AKAP12: variants seen among roughly 807,000 people sequenced by gnomAD.
AKAP12 encodes the protein A-kinase anchor protein 12.
Under a neutral mutation model 79.9 loss-of-function variants are expected in AKAP12, and 32 were observed. That is an observed-to-expected ratio of 0.40 (90% CI 0.30 to 0.54). AKAP12 has a LOEUF of 0.54. AKAP12 is among the 20% of genes least tolerant of loss of function. The pLI is 0.48. For synonymous variants in AKAP12, 808 were observed against 857.0 expected, an observed-to-expected ratio of 0.94 and a Z score of 1.00; for missense variants, 2,074 against 2,177.0, an observed-to-expected ratio of 0.95 and a Z score of 0.94.
At chr6:151,287,258 T>C (rs1298090967) in intron 2 of AKAP12, among the ~76,000 whole-genome samples, 3 of 151,872 alleles carry the variant, frequency 2.0e-5, no homozygotes, top group African/African-American at 7.3e-5. Flanking sequence ...TTTTTTATTT[T>C]GATTTCATTT....
At chr6:151,273,000 C>T (rs576998940) in intron 2 of AKAP12, among the ~76,000 whole-genome samples, 34 of 152,276 alleles carry the variant, frequency 2.2e-4, no homozygotes, top group African/African-American at 7.5e-4. Flanking sequence ...CTCCGCTTCC[C>T]GGGTTCACAC....
At chr6:151,250,806 C>T (rs1797160003) in intron 2 of AKAP12, among the ~76,000 whole-genome samples, 1 of 151,884 alleles carries the variant, frequency 6.6e-6, no homozygotes, top group African/African-American at 2.4e-5. Context: ...GGGGGTTTCA[C>T]CGTGTTAGCC....
intron 2 of AKAP12, among the ~76,000 whole-genome samples, chr6:151,243,725 A>G (rs997731141): frequency 1.5e-4 from 23 of 152,140 alleles, no homozygotes; most frequent in Non-Finnish European, 3.2e-4. Flanking sequence ...TTGGTCTGTT[A>G]TCTGCCAGGG....
chr6:151,296,241 C>T (rs1180250953), intron 2 of AKAP12, among the ~76,000 whole-genome samples: 2 of 152,162 alleles, frequency 1.3e-5, no homozygotes, highest in East Asian at 1.9e-4. Flanking sequence ...ATCATGCCCA[C>T]CCCGGGATGC....
In AKAP12 at chr6:151,351,457, G is replaced by T. The variant is rs1778288030; in HGVS notation, c.3066G>T (p.Val1022=). The change falls in exon 4 of 5, where the codon GTG becomes GTT. Residue 1022 remains valine, a synonymous_variant. Coordinates refer to ENST00000402676, the MANE Select transcript of AKAP12 (RefSeq NM_005100.4). This position sits in a 1 kb window ranked among gnomAD's most constrained non-coding sequence, Gnocchi z 4.4. ...ACACCACAGAGGAGGCCACTCCGGT[G>T]CAGGAGGTGGAAGGTGGCGTACCTG... ...SPDTTEEATP[V]QEVEGGVPDI... 6.2e-7 allele frequency: 1 copy of T among 1,614,104 alleles called. No individual in the cohort carries two copies. The highest frequency in any genetic ancestry group is 8.5e-7 in the Non-Finnish European group (1 of 1,180,050).
intron 2 of AKAP12, among the ~76,000 whole-genome samples, chr6:151,292,878 T>C (rs1004620596): frequency 6.6e-6 from 1 of 152,232 alleles, no homozygotes; most frequent in African/African-American, 2.4e-5. Context: ...TCTCTGCCTT[T>C]GCCCCCATAA....
chr6:151,285,384 C>CTGTGTGTGTGTGTGTGTGTGTGTG (rs10680283), intron 2 of AKAP12, among the ~76,000 whole-genome samples: 10 of 136,460 alleles, frequency 7.3e-5, no homozygotes, highest in Non-Finnish European at 1.6e-4. Context: ...CTGCATTTCA[C>CTGTGTGTGTGTGTGTGTGTGTGTG]TGTGTGTGTG....
intron 2 of AKAP12, among the ~76,000 whole-genome samples, chr6:151,272,076 C>T (rs1241346993): frequency 6.6e-6 from 1 of 152,092 alleles, no homozygotes; most frequent in Non-Finnish European, 1.5e-5. Context: ...CATGGTGGCT[C>T]ATGCTGTAAT....
At chr6:151,273,414 A>G (rs1776229879) in intron 2 of AKAP12, among the ~76,000 whole-genome samples, 1 of 152,136 alleles carries the variant, frequency 6.6e-6, no homozygotes, top group Non-Finnish European at 1.5e-5. Context: ...CGGTGATTCC[A>G]TTGCCAGTAT....
intron 2 of AKAP12, among the ~76,000 whole-genome samples, chr6:151,291,521 A>G (rs964240366): frequency 1.4e-4 from 22 of 152,186 alleles, no homozygotes; most frequent in Non-Finnish European, 2.9e-4. Context: ...TTTTCCTCCA[A>G]GCAGACTGAT....
In AKAP12 at chr6:151,325,432, CA is replaced by C. The variant is rs960377273; in HGVS notation, c.319+19530del. On this transcript the variant is annotated intron_variant, in intron 3 of 4. Coordinates refer to ENST00000402676, the MANE Select transcript of AKAP12 (RefSeq NM_005100.4). ...GCTCCAGCATCGAACTCATGCCCAGCACCCTTTAAACCCTCCCGGGACTCTG... is the reference window on the plus strand; with the variant it reads ...GCTCCAGCATCGAACTCATGCCCAGCCCCTTTAAACCCTCCCGGGACTCTG... 32 of 985,332 alleles carry C rather than the reference CA, an allele frequency of 3.2e-5. No homozygotes were observed. In the African/African-American group the frequency reaches 5.4e-4, roughly 17 times the overall value. The allele number at this position is 985,332 out of a possible 1,614,324, so 61.0% of individuals were successfully genotyped here. A position where few individuals can be genotyped will look rare whatever the true frequency, so the allele number is the denominator to read the frequency against.
intron 2 of AKAP12, among the ~76,000 whole-genome samples, chr6:151,265,854 C>T (rs1797541224): frequency 1.3e-5 from 2 of 152,148 alleles, no homozygotes; most frequent in South Asian, 2.1e-4. Flanking sequence ...AATTGGTGAT[C>T]GTTAGGAGTC....
intron 3 of AKAP12, among the ~76,000 whole-genome samples, chr6:151,315,654 G>A (rs1028103447): frequency 6.6e-6 from 1 of 152,136 alleles, no homozygotes; most frequent in South Asian, 2.1e-4. Flanking sequence ...ACATGATTAA[G>A]GCAATGATAT....
At chr6:151,297,983 G>A (rs1018941248) in intron 2 of AKAP12, among the ~76,000 whole-genome samples, 4 of 152,086 alleles carry the variant, frequency 2.6e-5, no homozygotes, top group African/African-American at 9.7e-5. Context: ...CCCCAATACG[G>A]TTTCATTTGA....
intron 3 of AKAP12, among the ~76,000 whole-genome samples, chr6:151,316,150 A>T (rs1396302892): frequency 6.6e-6 from 1 of 152,236 alleles, no homozygotes; most frequent in Non-Finnish European, 1.5e-5. Context: ...CCTGTTAATC[A>T]AGATTTATTC....
At chr6:151,284,390 C>T (rs1253044885) in intron 2 of AKAP12, among the ~76,000 whole-genome samples, 1 of 152,166 alleles carries the variant, frequency 6.6e-6, no homozygotes, top group Non-Finnish European at 1.5e-5. Flanking sequence ...CTTTGGGAAG[C>T]CGAGGTGGAA....
In AKAP12 at chr6:151,350,448, G is replaced by C; in HGVS notation, c.2057G>C (p.Gly686Ala). 6.2e-7 allele frequency: 1 copy of C among 1,614,068 alleles called. No individual in the cohort carries two copies. The highest frequency in any genetic ancestry group is 8.5e-7 in the Non-Finnish European group (1 of 1,180,020). Residue 686 changes from glycine (G) to alanine (A), a missense_variant, in exon 4 of 5, where the codon GGA becomes GCA. This residue lies in a region of AKAP12 where 1,428 missense variants were observed against 1,451.0 expected (regional missense o/e 0.98). Coordinates refer to ENST00000402676, the MANE Select transcript of AKAP12 (RefSeq NM_005100.4). This position sits in a 1 kb window ranked among gnomAD's most constrained non-coding sequence, Gnocchi z 4.8. ...SVSWEALICV[G>A]SSKKRARRGS... ...TCTTGGGAAGCTTTAATTTGTGTGGGATCATCCAAGAAAAGAGCAAGGAGA... is the reference window on the plus strand; with the variant it reads ...TCTTGGGAAGCTTTAATTTGTGTGGCATCATCCAAGAAAAGAGCAAGGAGA...
At chr6:151,310,915 C>T (rs1308710436) in intron 3 of AKAP12, among the ~76,000 whole-genome samples, 2 of 152,194 alleles carry the variant, frequency 1.3e-5, no homozygotes, top group Non-Finnish European at 2.9e-5. Flanking sequence ...CCAACCTTCA[C>T]AGGTCACATT....
intron 3 of AKAP12, among the ~76,000 whole-genome samples, chr6:151,315,809 T>G (rs1457542598): frequency 6.6e-6 from 1 of 152,076 alleles, no homozygotes; most frequent in African/African-American, 2.4e-5. Context: ...CTCAGGAAAC[T>G]TAACAATAAT....
Sources: allele counts gnomAD v4.1 joint callset (sites outside exome capture counted in the v4.1 genomes callset), GRCh38; gene constraint gnomAD v4.1.1; regional missense constraint gnomAD v4.1.1; non-coding constraint Gnocchi (gnomAD v3.1); transcripts MANE v1.5; gene names NCBI Gene and HGNC (gene_info 2026-07-23, HGNC 2026-07-21).